Variants in NETO2 observed in about 807,000 individuals in gnomAD.
The protein encoded by NETO2 is neuropilin and tolloid-like protein 2.
Under a neutral mutation model 62.5 loss-of-function variants are expected in NETO2, and 28 were observed. That is an observed-to-expected ratio of 0.45 (90% confidence interval 0.33 to 0.61). The LOEUF is 0.61. NETO2 is among the 20% of genes least tolerant of loss of function. The pLI, the probability that NETO2 is intolerant of heterozygous loss-of-function variation, is 0.02. For synonymous variants in NETO2, 214 were observed against 219.1 expected (o/e 0.98, Z 0.21); for missense variants, 548 against 643.2 (o/e 0.85, Z 1.60).
intron 1 of NETO2, among the ~76,000 whole-genome samples, chr16:47,142,608 G>T (rs1596757898): frequency 6.6e-6 from 1 of 152,106 alleles, no homozygotes; most frequent in Admixed American, 6.5e-5. Flanking sequence ...TTACAAACAC[G>T]TCAGCTTTCA....
chr16:47,112,353 TTTTG>T (rs567677336), intron 6 of NETO2, among the ~76,000 whole-genome samples: 45 of 152,312 alleles, frequency 3.0e-4, no homozygotes, highest in East Asian at 1.5e-3. Context: ...ATTTACACTT[TTTTG>T]TTTGTTTGTT....
At chr16:47,131,139 G>A (rs1964259464) in intron 2 of NETO2, among the ~76,000 whole-genome samples, 1 of 151,852 alleles carries the variant, frequency 6.6e-6, no homozygotes, top group East Asian at 1.9e-4. Flanking sequence ...TGTAAATCCT[G>A]AATACTGAGT....
At chr16:47,089,413 G>C (rs1963266018) in intron 7 of NETO2, among the ~76,000 whole-genome samples, 1 of 152,132 alleles carries the variant, frequency 6.6e-6, no homozygotes, top group African/African-American at 2.4e-5. Context: ...AAAATGAAGG[G>C]GATGGAATAC....
At chr16:47,100,136 A>T (rs1164414750) in intron 7 of NETO2, among the ~76,000 whole-genome samples, 1 of 152,264 alleles carries the variant, frequency 6.6e-6, no homozygotes, top group Non-Finnish European at 1.5e-5. Flanking sequence ...CAATCAAATT[A>T]GAACTCAGGA....
chr16:47,132,370 T>C (rs1381869303), intron 1 of NETO2, among the ~76,000 whole-genome samples: 3 of 152,144 alleles, frequency 2.0e-5, no homozygotes, highest in African/African-American at 7.2e-5. Flanking sequence ...TTTACTGTAG[T>C]CCATCTCAAA....
chr16:47,110,316 T>C (rs970010746), intron 6 of NETO2, among the ~76,000 whole-genome samples: 2 of 152,228 alleles, frequency 1.3e-5, no homozygotes, highest in Admixed American at 6.5e-5. Context: ...TCAACTGTAC[T>C]ATCAAAGGAA....
intron 6 of NETO2, among the ~76,000 whole-genome samples, chr16:47,119,738 C>G (rs1964000106): frequency 6.6e-6 from 1 of 151,792 alleles, no homozygotes; most frequent in Admixed American, 6.6e-5. Context: ...TTCAAATTTC[C>G]ATACTGATTT....
rs897526062 is a variant in NETO2 at position 47,080,072 on chromosome 16, G to A, written c.*3149C>T. 1 of 152,178 alleles carries A rather than the reference G, an allele frequency of 6.6e-6. No individual in the cohort carries two copies. The highest frequency in any genetic ancestry group is 6.5e-5 in the Admixed American group (1 of 15,270). 9.4% of individuals were successfully genotyped at this position (152,178 alleles called of 1,614,324 possible). ...ACATAAGCGCTGTCGGGTTAAAGGA[G>A]TCTTTGAAATCTCTTTTGTGATGTG... On this transcript the variant is annotated 3_prime_UTR_variant, in exon 9 of 9. Coordinates refer to ENST00000562435, the MANE Select transcript of NETO2 (RefSeq NM_018092.5).
chr16:47,130,423 G>C (rs977072000), intron 2 of NETO2, among the ~76,000 whole-genome samples: 1 of 151,358 alleles, frequency 6.6e-6, no homozygotes, highest in African/African-American at 2.4e-5. Flanking sequence ...ACCAGACATT[G>C]GAGGAAAATC....
In NETO2 at chr16:47,143,767, G is replaced by T. The variant is rs1242110942; in HGVS notation, c.-155C>A. The T allele has an allele frequency of 3.0e-5, 31 of 1,021,010 alleles. No individual in the cohort carries two copies. Among genetic ancestry groups the T allele is most frequent in the Non-Finnish European group, 3.8e-5 (31 of 805,380 alleles). The allele number at this position is 1,021,010 out of a possible 1,614,324, so 63.2% of individuals were successfully genotyped here. ...CCCTGAGGAGAGCTCAGGTCCTGCG[G>T]CCCGCCATGCCCGAGCCCCACAGTG... On this transcript the variant is annotated 5_prime_UTR_variant, in exon 1 of 9. Transcript: ENST00000562435.
chr16:47,128,705 A>T, intron 3 of NETO2, 132 bp from the exon 4 acceptor site: 1 of 911,818 alleles, frequency 1.1e-6, no homozygotes. Flanking sequence ...GAGAATTGCT[A>T]TACAAGTCAT....
intron 7 of NETO2, among the ~76,000 whole-genome samples, chr16:47,092,199 T>C (rs765506568): frequency 5.9e-5 from 9 of 152,238 alleles, no homozygotes; most frequent in Non-Finnish European, 1.0e-4. Flanking sequence ...ATGCCCCTCA[T>C]GGAAAGGACG....
chr16:47,088,142 T>C (rs1015923947), intron 7 of NETO2, among the ~76,000 whole-genome samples: 9 of 152,158 alleles, frequency 5.9e-5, no homozygotes, highest in African/African-American at 1.9e-4. Flanking sequence ...TCTCGCTCTG[T>C]TGCCCAGGCT....
At chr16:47,119,297 G>GC (rs1488656142) in intron 6 of NETO2, among the ~76,000 whole-genome samples, 1 of 151,434 alleles carries the variant, frequency 6.6e-6, no homozygotes, top group African/African-American at 2.4e-5. Context: ...GACTACAGGC[G>GC]CCCGCCACCA....
In NETO2 at chr16:47,083,635, C is replaced by A; in HGVS notation, c.1164G>T (p.Gly388=). Residue 388 remains glycine, a synonymous_variant, in exon 9 of 9, where the codon GGG becomes GGT. Transcript: ENST00000562435. ...MACKTAFNKT[G]FQEVFDPPHY... is the part of the protein sequence containing the mutation. The stretch of plus-strand genomic sequence containing the variant: ...GAGGAGGATCAAACACTTCTTGGAA[C>A]CCGGTTTTATTAAAAGCGGTTTTGC... The A allele has an allele frequency of 2.5e-6, 4 of 1,614,168 alleles. No individual in the cohort carries two copies. Among genetic ancestry groups the A allele is most frequent in the Non-Finnish European group, 3.4e-6 (4 of 1,180,044 alleles).
chr16:47,098,459 G>A (rs1224967549), intron 7 of NETO2, among the ~76,000 whole-genome samples: 5 of 152,062 alleles, frequency 3.3e-5, no homozygotes, highest in Non-Finnish European at 7.4e-5. Flanking sequence ...GAAATAAAGC[G>A]GGAAGACAAA....
At chr16:47,105,123 C>T (rs1963645927) in intron 7 of NETO2, among the ~76,000 whole-genome samples, 1 of 151,890 alleles carries the variant, frequency 6.6e-6, no homozygotes, top group Non-Finnish European at 1.5e-5. Context: ...GTCTCAAACT[C>T]CTGGACTCAA....
rs1356768242 is a variant in NETO2, at chr16:47,080,304, G to A, written c.*2917C>T. Reference sequence around the variant, plus strand: ...GTATTATACAGGTATACTTAATGCTGTTTCTGAATTGAAGATATTTATCCC... The same window carrying A: ...GTATTATACAGGTATACTTAATGCTATTTCTGAATTGAAGATATTTATCCC... On this transcript the variant is annotated 3_prime_UTR_variant, in exon 9 of 9. Transcript: ENST00000562435. 1 of 152,162 alleles carries A rather than the reference G, an allele frequency of 6.6e-6. No individual in the cohort carries two copies. Among genetic ancestry groups the A allele is most frequent in the African/African-American group, 2.4e-5 (1 of 41,442 alleles). 9.4% of individuals were successfully genotyped at this position (152,162 alleles called of 1,614,324 possible). A position where few individuals can be genotyped will look rare whatever the true frequency, so the allele number is the denominator to read the frequency against.
chr16:47,094,069 T>C (rs1254067744), intron 7 of NETO2, among the ~76,000 whole-genome samples: 1 of 152,166 alleles, frequency 6.6e-6, no homozygotes, highest in East Asian at 1.9e-4. Flanking sequence ...ATACAGGAGA[T>C]GAATCTGAGG....
Sources: allele counts gnomAD v4.1 joint callset (sites outside exome capture counted in the v4.1 genomes callset), GRCh38; gene constraint gnomAD v4.1.1; transcripts MANE v1.5; gene names NCBI Gene and HGNC (gene_info 2026-07-23, HGNC 2026-07-21).